Variants in FOXJ3 observed in about 807,000 individuals in gnomAD.
FOXJ3 encodes the protein forkhead box J3, also known as forkhead box protein J3.
Under a neutral mutation model 76.1 loss-of-function variants are expected in FOXJ3, and 22 were observed. That is an observed-to-expected ratio of 0.29 (90% CI 0.21 to 0.41). FOXJ3 has a LOEUF of 0.41. Among genes scored for constraint, FOXJ3 ranks in the 10% least tolerant of loss-of-function variants. FOXJ3 has a pLI of 1.00. For missense variants in FOXJ3, 613 were observed against 762.1 expected, an observed-to-expected ratio of 0.80 and a Z score of 2.30; for synonymous variants, 269 against 261.2, an observed-to-expected ratio of 1.03 and a Z score of -0.29.
chr1:42,248,851 T>C (rs1649779241), intron 4 of FOXJ3, among the ~76,000 whole-genome samples: 1 of 151,472 alleles, frequency 6.6e-6, no homozygotes, highest in Non-Finnish European at 1.5e-5. Flanking sequence ...GTCACCTAGG[T>C]TTTAAGCCCT....
intron 2 of FOXJ3, among the ~76,000 whole-genome samples, chr1:42,298,051 G>C (rs1653898927): frequency 6.6e-6 from 1 of 151,994 alleles, no homozygotes; most frequent in Non-Finnish European, 1.5e-5. Context: ...TGAATCATGG[G>C]GGCAGTTACC....
chr1:42,260,347 G>C (rs565519077), intron 4 of FOXJ3, among the ~76,000 whole-genome samples: 1 of 152,012 alleles, frequency 6.6e-6, no homozygotes, highest in Non-Finnish European at 1.5e-5. Context: ...CCTTTGAAAA[G>C]AAAGATCAGT....
intron 1 of FOXJ3, among the ~76,000 whole-genome samples, chr1:42,311,789 C>G (rs1419712533): frequency 1.3e-5 from 2 of 152,044 alleles, no homozygotes; most frequent in Non-Finnish European, 2.9e-5. Context: ...CTTCAATGAA[C>G]CTCAGTTTCT....
intron 1 of FOXJ3, among the ~76,000 whole-genome samples, chr1:42,313,060 C>A (rs545822697): frequency 6.6e-6 from 1 of 152,158 alleles, no homozygotes; most frequent in Non-Finnish European, 1.5e-5. Flanking sequence ...ACCGGCTGGG[C>A]GCAGTGGCTC....
chr1:42,229,267 C>G (rs555515779), intron 4 of FOXJ3, among the ~76,000 whole-genome samples: 52 of 152,312 alleles, frequency 3.4e-4, no homozygotes, highest in African/African-American at 1.1e-3. Context: ...TGCAAATTAA[C>G]ATTCAATTCT....
chr1:42,277,318 C>T (rs1652339552), intron 3 of FOXJ3, among the ~76,000 whole-genome samples: 2 of 150,358 alleles, frequency 1.3e-5, no homozygotes, highest in Non-Finnish European at 2.9e-5. Context: ...GTGGCGTGCT[C>T]AGGCACTCGA....
chr1:42,241,947 G>A (rs912118129), intron 4 of FOXJ3, among the ~76,000 whole-genome samples: 6 of 152,086 alleles, frequency 3.9e-5, no homozygotes, highest in African/African-American at 4.8e-5. Context: ...GCACAGCCTC[G>A]CCACAGCCTC....
chr1:42,268,019 A>C (rs1651601485), intron 3 of FOXJ3, among the ~76,000 whole-genome samples: 1 of 151,604 alleles, frequency 6.6e-6, no homozygotes, highest in African/African-American at 2.4e-5. Context: ...CCAGAAGGAG[A>C]AAAAAAAGGA....
intron 6 of FOXJ3, among the ~76,000 whole-genome samples, chr1:42,205,091 TG>T (rs1311083846): frequency 2.0e-5 from 3 of 152,164 alleles, no homozygotes; most frequent in Non-Finnish European, 2.9e-5. Flanking sequence ...GGAGTACTCA[TG>T]GTCTAGTAGG....
chr1:42,251,652 A>G (rs1650062139), intron 4 of FOXJ3, among the ~76,000 whole-genome samples: 2 of 149,998 alleles, frequency 1.3e-5, no homozygotes, highest in Admixed American at 1.3e-4. Flanking sequence ...GATGAAGCCC[A>G]CTTGATCATG....
intron 2 of FOXJ3, among the ~76,000 whole-genome samples, chr1:42,279,779 A>G (rs1652560194): frequency 6.6e-6 from 1 of 152,154 alleles, no homozygotes; most frequent in African/African-American, 2.4e-5. Flanking sequence ...TCTAAGTGAT[A>G]TCAAAATAAA....
intron 11 of FOXJ3, among the ~76,000 whole-genome samples, chr1:42,182,422 C>T (rs1224618632): frequency 6.6e-6 from 1 of 152,216 alleles, no homozygotes; most frequent in Non-Finnish European, 1.5e-5. Context: ...GCAACTGAAA[C>T]TCAGAAAGGC....
chr1:42,256,839 GTA>G (rs1225941647), intron 4 of FOXJ3, among the ~76,000 whole-genome samples: 1 of 152,112 alleles, frequency 6.6e-6, no homozygotes, highest in East Asian at 1.9e-4. Flanking sequence ...ACAAATAAAT[GTA>G]TAAACAAATT....
At chr1:42,226,868 T>A (rs343370) in intron 5 of FOXJ3, among the ~76,000 whole-genome samples, 1 of 152,006 alleles carries the variant, frequency 6.6e-6, no homozygotes, top group East Asian at 1.9e-4. Context: ...TCTTTGAGGC[T>A]CAAAAGTTTT....
intron 4 of FOXJ3, among the ~76,000 whole-genome samples, chr1:42,237,937 CACAT>C (rs750648106): frequency 2.7e-4 from 36 of 134,838 alleles, no homozygotes; most frequent in East Asian, 6.7e-4. Context: ...CACACACACA[CACAT>C]ATATATAGAC....
At chr1:42,199,265 A>G in intron 6 of FOXJ3, 35 bp from the exon 7 acceptor site, 2 of 1,580,272 alleles carry the variant, frequency 1.3e-6, no homozygotes, top group Non-Finnish European at 8.7e-7. Context: ...AATTGAATAT[A>G]AGGGTACTTC....
At position 42,194,921 on chromosome 1, in the gene FOXJ3, C is replaced by T. The variant is rs775477644; in HGVS notation, c.903G>A (p.Lys301=). The change falls in exon 8 of 13, where the codon AAG becomes AAA. Residue 301 remains lysine (K), a synonymous_variant. Transcript: ENST00000361346. The part of the protein sequence containing the change: ...DLSASFRSLY[K]SVFEQSLSQQ... ...GACTAAGTGACTGCTCAAAAACTGA[C>T]TTATAAAGGCTCCGAAATGAGGCAC... The T allele has an allele frequency of 6.2e-7, 1 of 1,609,276 alleles. No homozygotes were observed. Among genetic ancestry groups the T allele is most frequent in the South Asian group, 1.1e-5 (1 of 89,676 alleles).
At chr1:42,198,114 T>A (rs920851096) in intron 7 of FOXJ3, among the ~76,000 whole-genome samples, 1 of 152,204 alleles carries the variant, frequency 6.6e-6, no homozygotes, top group South Asian at 2.1e-4. Context: ...AATCTCTATT[T>A]CTTCTGAAAA....
chr1:42,320,666 T>C (rs1258784234), intron 1 of FOXJ3, among the ~76,000 whole-genome samples: 11 of 152,164 alleles, frequency 7.2e-5, no homozygotes, highest in Admixed American at 7.2e-4. Flanking sequence ...GTATATGAAA[T>C]TAGATCACAT....
Sources: gnomAD v4.1 joint callset for allele counts (sites outside exome capture counted in the v4.1 genomes callset) on GRCh38, gnomAD v4.1.1 for gene constraint, MANE v1.5 for transcripts, NCBI Gene and HGNC (gene_info 2026-07-23, HGNC 2026-07-21) for gene names.